The following MBD5 variants were observed in gnomAD, a reference collection of about 807,000 sequenced individuals.
The protein encoded by MBD5 is methyl-CpG-binding domain protein 5.
Under a neutral mutation model 117.3 loss-of-function variants are expected in MBD5, and 13 were observed. That is an observed-to-expected ratio of 0.11 (90% CI 0.07 to 0.18). The LOEUF (loss-of-function observed/expected upper bound fraction) is 0.18, where lower values mean the gene tolerates loss of function less well. MBD5 is among the 10% of genes least tolerant of loss of function. The pLI is 1.00. For synonymous variants in MBD5, 727 were observed against 766.4 expected (o/e 0.95, Z 0.85); for missense variants, 1,879 against 2,093.8 (o/e 0.90, Z 2.00).
intron 2 of MBD5, among the ~76,000 whole-genome samples, chr2:148,195,861 C>G (rs182065995): frequency 2.0e-5 from 3 of 152,228 alleles, no homozygotes; most frequent in Admixed American, 1.3e-4. Flanking sequence ...GAAACCACAA[C>G]ATAAAATGTA....
At chr2:148,224,942 C>G (rs1363854065) in intron 2 of MBD5, among the ~76,000 whole-genome samples, 1 of 151,838 alleles carries the variant, frequency 6.6e-6, no homozygotes, top group Non-Finnish European at 1.5e-5. Flanking sequence ...TACTTTCACT[C>G]TATGTTTGTA....
intron 4 of MBD5, among the ~76,000 whole-genome samples, chr2:148,398,409 T>C (rs1373924108): frequency 1.3e-5 from 2 of 152,150 alleles, no homozygotes; most frequent in African/African-American, 2.4e-5. Flanking sequence ...CCAGTGATGA[T>C]GAGCATTTTT....
intron 8 of MBD5, among the ~76,000 whole-genome samples, chr2:148,479,047 G>T (rs913873249): frequency 1.3e-5 from 2 of 152,172 alleles, no homozygotes; most frequent in South Asian, 4.1e-4. Flanking sequence ...ACCAGAGAGT[G>T]CCTATTCAAG....
intron 1 of MBD5, among the ~76,000 whole-genome samples, chr2:148,024,086 C>T (rs552675306): frequency 6.6e-6 from 1 of 152,162 alleles, no homozygotes; most frequent in East Asian, 1.9e-4. Flanking sequence ...TACCTCATTT[C>T]CTTTGTCAGA....
chr2:148,364,149 G>A (rs1240406714), intron 4 of MBD5, among the ~76,000 whole-genome samples: 1 of 152,178 alleles, frequency 6.6e-6, no homozygotes, highest in Non-Finnish European at 1.5e-5. Context: ...AGATATCTCA[G>A]TAGAAACCCT....
intron 3 of MBD5, among the ~76,000 whole-genome samples, chr2:148,296,963 A>T (rs983840302): frequency 1.4e-5 from 2 of 140,246 alleles, no homozygotes; most frequent in South Asian, 2.3e-4. Context: ...CAACCTCCGC[A>T]TCCCAGGTTC....
chr2:148,288,725 T>C (rs1701427810), intron 3 of MBD5, among the ~76,000 whole-genome samples: 2 of 152,072 alleles, frequency 1.3e-5, no homozygotes, highest in South Asian at 2.1e-4. Flanking sequence ...GGATACTTTG[T>C]TAGAAGTGAG....
intron 1 of MBD5, among the ~76,000 whole-genome samples, chr2:148,101,411 A>G (rs1488872825): frequency 6.6e-6 from 1 of 152,108 alleles, no homozygotes; most frequent in Non-Finnish European, 1.5e-5. Context: ...GCAGTGAGCT[A>G]TGCTCACTCC....
chr2:148,402,005 G>A (rs149774031), intron 4 of MBD5, among the ~76,000 whole-genome samples: 304 of 151,802 alleles, frequency 2.0e-3, no homozygotes, highest in African/African-American at 7.0e-3. Context: ...ACAAATACTT[G>A]GAAGTGATAT....
At chr2:148,150,351 G>A (rs1697617994) in intron 1 of MBD5, among the ~76,000 whole-genome samples, 1 of 151,182 alleles carries the variant, frequency 6.6e-6, no homozygotes, top group Non-Finnish European at 1.5e-5. Flanking sequence ...TAGCCTTGTA[G>A]TATAGTTTGA....
intron 4 of MBD5, among the ~76,000 whole-genome samples, chr2:148,429,644 C>A (rs1705922178): frequency 6.6e-6 from 1 of 152,130 alleles, no homozygotes; most frequent in Non-Finnish European, 1.5e-5. Context: ...GGCACATATA[C>A]ACCATGGAAT....
At chr2:148,030,482 A>G (rs1004002404) in intron 1 of MBD5, among the ~76,000 whole-genome samples, 3 of 152,192 alleles carry the variant, frequency 2.0e-5, no homozygotes, top group African/African-American at 7.2e-5. Flanking sequence ...AATGTTTATG[A>G]ATGTATATGT....
chr2:148,469,214 A>T lies in MBD5; in HGVS notation c.1271A>T (p.Gln424Leu), dbSNP rs2105631231. Residue 424 changes from glutamine to leucine, a missense_variant, in exon 8 of 14, where the codon CAA (glutamine) becomes CTA (leucine). By Grantham distance (113) the Gln-to-Leu change is moderately radical (BLOSUM62 -2). This residue lies in a region of MBD5 where 1,666 missense variants were observed against 1,792.2 expected (regional missense o/e 0.93). Transcript: ENST00000642680. ...PGHMNHGSHV[Q>L]RVQHSASTSL... is the part of the protein sequence containing the mutation. The stretch of plus-strand genomic sequence containing the variant: ...CACATGAATCATGGGAGTCATGTAC[A>T]AAGAGTTCAGCATTCAGCTTCAACC... 1 of 1,614,064 alleles carries T rather than the reference A, an allele frequency of 6.2e-7. No homozygotes were observed. Among genetic ancestry groups the T allele is most frequent in the Admixed American group, 1.7e-5 (1 of 59,990 alleles).
chr2:148,303,379 C>A (rs1342846821), intron 3 of MBD5, among the ~76,000 whole-genome samples: 1 of 152,148 alleles, frequency 6.6e-6, no homozygotes, highest in Non-Finnish European at 1.5e-5. Context: ...TGTGTGGCTA[C>A]ATGACAGGCC....
rs548197808 is a variant in MBD5 at position 148,064,133 on chromosome 2, T to C, written c.-925+42449T>C. Among the ~76,000 whole-genome samples the C allele has an allele frequency of 4.7e-5, 7 of 147,510 alleles. 1 individual carries two copies. In the South Asian group the frequency reaches 1.3e-3, roughly 28 times the overall value. ...TCCCACCAGCTGTCTTTTTTCTTTT[T>C]TTTTTTTTTTGAGACAGAGCCTCGC... On this transcript the variant is annotated intron_variant, in intron 1 of 13. Coordinates refer to ENST00000642680, the MANE Select transcript of MBD5 (RefSeq NM_001378120.1).
intron 2 of MBD5, among the ~76,000 whole-genome samples, chr2:148,185,152 T>A (rs116516489): frequency 1.7e-3 from 262 of 152,300 alleles, no homozygotes; most frequent in African/African-American, 6.1e-3. Flanking sequence ...AGAACTCCAA[T>A]AGTTCATTTC....
At chr2:148,091,416 G>C (rs1695936771) in intron 1 of MBD5, among the ~76,000 whole-genome samples, 1 of 152,092 alleles carries the variant, frequency 6.6e-6, no homozygotes, top group African/African-American at 2.4e-5. Flanking sequence ...TGTACTACAA[G>C]GCTATAGTTA....
At chr2:148,393,059 G>C (rs186518827) in intron 4 of MBD5, among the ~76,000 whole-genome samples, 1 of 152,118 alleles carries the variant, frequency 6.6e-6, no homozygotes, top group Admixed American at 6.5e-5. Flanking sequence ...CCAGGATTTA[G>C]TTAGTCCTGG....
intron 1 of MBD5, among the ~76,000 whole-genome samples, chr2:148,167,037 A>T (rs1698142076): frequency 6.6e-6 from 1 of 152,108 alleles, no homozygotes; most frequent in Non-Finnish European, 1.5e-5. Context: ...TACATTGTTA[A>T]TGTCATAAAT....
Sources: gnomAD v4.1 joint callset for allele counts (sites outside exome capture counted in the v4.1 genomes callset) on GRCh38, gnomAD v4.1.1 for gene constraint, gnomAD v4.1.1 regional missense constraint, MANE v1.5 for transcripts, NCBI Gene and HGNC (gene_info 2026-07-23, HGNC 2026-07-21) for gene names.